Variants in CUL2 observed in about 807,000 individuals in gnomAD.
CUL2 encodes cullin 2, also known as cullin-2.
In CUL2, 22 loss-of-function variants were observed where a neutral mutation model predicts 110.2. The ratio of observed to expected loss-of-function variants is 0.20; its 90% CI spans 0.14 to 0.28. CUL2 has a LOEUF of 0.28. CUL2 is among the 10% of genes least tolerant of loss of function. The pLI, the probability that CUL2 is intolerant of heterozygous loss-of-function variation, is 1.00. For missense variants in CUL2, 631 were observed against 905.5 expected (o/e 0.70, Z 3.89); for synonymous variants, 279 against 293.2 (o/e 0.95, Z 0.49).
chr10:35,059,214 A>G (rs564937859), intron 4 of CUL2, among the ~76,000 whole-genome samples: 9 of 152,230 alleles, frequency 5.9e-5, no homozygotes, highest in Non-Finnish European at 1.3e-4. Flanking sequence ...ACTGACTCCA[A>G]TTTCGTAAGA....
chr10:35,018,656 C>T (rs1285793424), intron 17 of CUL2, among the ~76,000 whole-genome samples: 3 of 146,214 alleles, frequency 2.1e-5, no homozygotes, highest in South Asian at 2.2e-4. Flanking sequence ...TCATCTACTC[C>T]GGAGGCTGAG....
upstream of CUL2, among the ~76,000 whole-genome samples, chr10:35,093,438 C>A (rs1219308548): frequency 6.6e-6 from 1 of 151,868 alleles, no homozygotes; most frequent in Admixed American, 6.6e-5. Context: ...GTGGGCAGAT[C>A]TCTTGAGTGT....
At chr10:35,076,064 G>T (rs4934715) in intron 1 of CUL2, among the ~76,000 whole-genome samples, 49,119 of 151,830 alleles carry the variant, frequency 0.32, 8,065 homozygotes, top group South Asian at 0.35. Flanking sequence ...ATGCAATATA[G>T]CCATACAATA....
intron 1 of CUL2, among the ~76,000 whole-genome samples, chr10:35,115,357 C>G (rs1365447276): frequency 6.6e-6 from 1 of 151,182 alleles, no homozygotes; most frequent in Admixed American, 6.6e-5. Flanking sequence ...GTTAGGAATT[C>G]AAGACCAGCC....
chr10:35,088,844 C>G, intron 1 of CUL2, among the ~76,000 whole-genome samples: 1 of 152,084 alleles, frequency 6.6e-6, no homozygotes, highest in Non-Finnish European at 1.5e-5. Context: ...GAAATGTTCC[C>G]CCAACTCATA....
chr10:35,073,874 A>G (rs1419018605), intron 1 of CUL2, among the ~76,000 whole-genome samples: 1 of 152,036 alleles, frequency 6.6e-6, no homozygotes, highest in Non-Finnish European at 1.5e-5. Context: ...CCAAAGTGCT[A>G]GGGTTACAGG....
chr10:35,017,006 AAAAAACCC>A (rs1015361180), intron 17 of CUL2, among the ~76,000 whole-genome samples: 4 of 152,064 alleles, frequency 2.6e-5, no homozygotes, highest in Admixed American at 6.6e-5. Flanking sequence ...AGAAAAGAAC[AAAAAACCC>A]AAACAATAAA....
chr10:35,036,730 A>G (rs2134749649), intron 9 of CUL2, among the ~76,000 whole-genome samples: 1 of 152,166 alleles, frequency 6.6e-6, no homozygotes, highest in South Asian at 2.1e-4. Flanking sequence ...CTGATGATCC[A>G]GTGGTTTTAA....
chr10:35,045,000 T>G (rs1231898976), intron 6 of CUL2, 132 bp from the exon 7 acceptor site: 1 of 591,992 alleles, frequency 1.7e-6, no homozygotes, highest in Non-Finnish European at 3.0e-6. Context: ...AAAAGGTACA[T>G]GCATGAATCT....
At chr10:35,126,630 A>T (rs2087844622) in exon 1 of CUL2, 2 of 152,324 alleles carry the variant, frequency 1.3e-5, no homozygotes, top group Admixed American at 1.3e-4. Flanking sequence ...ACCTGACAAC[A>T]GCCGTTACTC....
At chr10:35,093,613 C>T (rs1424275491), upstream of CUL2, among the ~76,000 whole-genome samples, 3 of 138,102 alleles carry the variant, frequency 2.2e-5, no homozygotes, top group East Asian at 2.2e-4. Flanking sequence ...GAGCCAAGAT[C>T]ACGCCATACT....
At chr10:35,022,047 C>T (rs979728846) in intron 17 of CUL2, among the ~76,000 whole-genome samples, 2 of 151,758 alleles carry the variant, frequency 1.3e-5, no homozygotes, top group African/African-American at 4.8e-5. Context: ...GCCTCTATCA[C>T]ATTCAAAACA....
intron 1 of CUL2, among the ~76,000 whole-genome samples, chr10:35,104,066 C>T (rs984031349): frequency 6.6e-6 from 1 of 152,096 alleles, no homozygotes; most frequent in Non-Finnish European, 1.5e-5. Flanking sequence ...AAACATAGTC[C>T]ATTAGCTGTA....
chr10:35,088,910 T>C (rs2135074840), intron 1 of CUL2, among the ~76,000 whole-genome samples: 1 of 152,282 alleles, frequency 6.6e-6, no homozygotes, highest in Non-Finnish European at 1.5e-5. Context: ...GCGCAGTAGC[T>C]CAGGCCTGTA....
intron 1 of CUL2, among the ~76,000 whole-genome samples, chr10:35,124,161 G>T (rs115201556): frequency 2.6e-3 from 392 of 152,316 alleles, no homozygotes; most frequent in African/African-American, 9.1e-3. Flanking sequence ...TAACCTGGGT[G>T]ACAGAGCGAG....
chr10:35,093,697 A>C (rs1319694140), upstream of CUL2, among the ~76,000 whole-genome samples: 2 of 151,242 alleles, frequency 1.3e-5, no homozygotes, highest in African/African-American at 4.8e-5. Flanking sequence ...GAAAAGAAGA[A>C]GAAATTACCA....
At chr10:35,049,811 T>C (rs999018489) in intron 5 of CUL2, 46 bp from the exon 6 acceptor site, 5 of 1,272,320 alleles carry the variant, frequency 3.9e-6, no homozygotes, top group African/African-American at 1.5e-5. Flanking sequence ...ACTTAGTATA[T>C]GTTTAACATT....
chr10:35,107,724 T>C (rs2087478418), intron 1 of CUL2, among the ~76,000 whole-genome samples: 1 of 150,934 alleles, frequency 6.6e-6, no homozygotes, highest in South Asian at 2.1e-4. Context: ...CTACTAAAAA[T>C]ACAAAAAATT....
intron 1 of CUL2, among the ~76,000 whole-genome samples, chr10:35,087,414 A>T (rs568915774): frequency 6.6e-6 from 1 of 152,104 alleles, no homozygotes; most frequent in Non-Finnish European, 1.5e-5. Context: ...TTTTTTAACC[A>T]CTATATCCAC....
Sources: allele counts gnomAD v4.1 joint callset (sites outside exome capture counted in the v4.1 genomes callset), GRCh38; gene constraint gnomAD v4.1.1; transcripts MANE v1.5; gene names NCBI Gene and HGNC (gene_info 2026-07-23, HGNC 2026-07-21).